ZNF385D: variants seen among roughly 807,000 people sequenced by gnomAD.
ZNF385D encodes the protein zinc finger protein 659.
In ZNF385D, 15 loss-of-function variants were observed where a neutral mutation model predicts 35.8. The observed-to-expected ratio is 0.42, with a 90% CI of 0.28 to 0.64. The LOEUF (loss-of-function observed/expected upper bound fraction) is 0.64, where lower values mean the gene tolerates loss of function less well. ZNF385D is among the 30% of genes least tolerant of loss of function. The probability of loss-of-function intolerance (pLI) is 0.23; values close to 1 mark genes in which losing one functional copy is unlikely to be tolerated. For missense variants in ZNF385D, 474 were observed against 494.6 expected (o/e 0.96, Z 0.39); for synonymous variants, 212 against 186.8 (o/e 1.13, Z -1.10).
chr3:22,282,591 G>C (rs1162733517), intron 2 of ZNF385D, among the ~76,000 whole-genome samples: 1 of 152,010 alleles, frequency 6.6e-6, no homozygotes, highest in Non-Finnish European at 1.5e-5. Flanking sequence ...TGTGGTCTGA[G>C]AGAGTATTTG....
At chr3:21,948,284 C>G (rs894085317) in intron 3 of ZNF385D, among the ~76,000 whole-genome samples, 9 of 151,876 alleles carry the variant, frequency 5.9e-5, no homozygotes, top group African/African-American at 1.9e-4. Flanking sequence ...AATATTGGCT[C>G]TATGACATAA....
At position 21,951,062 on chromosome 3, in the gene ZNF385D, T is replaced by A. The variant is rs183079610; in HGVS notation, c.325+217755A>T. Among the ~76,000 whole-genome samples, 9 of 151,788 alleles carry A rather than the reference T, an allele frequency of 5.9e-5. No individual in the cohort carries two copies. The East Asian group carries it at 1.7e-3, about 29-fold the overall frequency. ...TTGGTTCTCATTAAACTTAAAGTAG[T>A]TTTTTTCTAATTCTGTGAAGAAAGT... is the stretch of plus-strand genomic sequence containing the variant. On this transcript the variant is annotated intron_variant, in intron 3 of 5. Transcript: ENST00000494108.
At chr3:22,171,236 G>T (rs1308929816) in intron 2 of ZNF385D, among the ~76,000 whole-genome samples, 1 of 152,140 alleles carries the variant, frequency 6.6e-6, no homozygotes, top group African/African-American at 2.4e-5. Context: ...GTGTGCCCTT[G>T]TAACACATCA....
At chr3:21,978,532 G>T (rs1703784965) in intron 3 of ZNF385D, among the ~76,000 whole-genome samples, 1 of 152,188 alleles carries the variant, frequency 6.6e-6, no homozygotes, top group Non-Finnish European at 1.5e-5. Flanking sequence ...AATTGTCTCA[G>T]AGCTTAGAAG....
rs1370721476 is a variant in ZNF385D, at chr3:21,425,348, G to A, written c.852+144C>T. ...AGAACAGTGAAAGGAAGATAAGTGGGTTAACAGATGGGCAGATGGAGGGAT... is the reference window on the plus strand; with the variant it reads ...AGAACAGTGAAAGGAAGATAAGTGGATTAACAGATGGGCAGATGGAGGGAT... On this transcript the variant is annotated intron_variant, in intron 6 of 7. Coordinates refer to ENST00000281523, the MANE Select transcript of ZNF385D (RefSeq NM_024697.3). 3 of 743,728 alleles carry A rather than the reference G, an allele frequency of 4.0e-6. No homozygotes were observed. In the Admixed American group the frequency reaches 1.1e-4, roughly 27 times the overall value. 46.1% of individuals were successfully genotyped at this position (743,728 alleles called of 1,614,324 possible).
intron 5 of ZNF385D, among the ~76,000 whole-genome samples, chr3:21,436,225 A>C (rs1701544248): frequency 6.6e-6 from 1 of 152,056 alleles, no homozygotes; most frequent in South Asian, 2.1e-4. Flanking sequence ...GATGGAACCA[A>C]AATATATGGG....
At chr3:22,291,579 CAAT>C (rs1159782665) in intron 2 of ZNF385D, among the ~76,000 whole-genome samples, 1 of 151,896 alleles carries the variant, frequency 6.6e-6, no homozygotes, top group Non-Finnish European at 1.5e-5. Context: ...TATTTGCAAA[CAAT>C]GATAGTTTTA....
At chr3:22,178,022 G>A (rs991701316) in intron 2 of ZNF385D, among the ~76,000 whole-genome samples, 45 of 152,116 alleles carry the variant, frequency 3.0e-4, no homozygotes, top group African/African-American at 1.0e-3. Flanking sequence ...CTTTGCTATT[G>A]TGAATACTGC....
chr3:21,503,753 A>G (rs1375838784), intron 4 of ZNF385D, among the ~76,000 whole-genome samples: 1 of 152,128 alleles, frequency 6.6e-6, no homozygotes, highest in Non-Finnish European at 1.5e-5. Flanking sequence ...TTTCCATCAG[A>G]TATCTTCTTT....
chr3:21,470,735 T>C (rs1480429261), intron 4 of ZNF385D, among the ~76,000 whole-genome samples: 1 of 152,096 alleles, frequency 6.6e-6, no homozygotes, highest in African/African-American at 2.4e-5. Flanking sequence ...GTCCTCTAGG[T>C]TTGACTACGG....
At chr3:21,699,715 C>G in intron 1 of ZNF385D, among the ~76,000 whole-genome samples, 1 of 150,454 alleles carries the variant, frequency 6.6e-6, no homozygotes, top group East Asian at 2.0e-4. Context: ...AAGTAAAATA[C>G]ATTATTTAAA....
At chr3:21,846,094 A>G (rs1314256419) in intron 3 of ZNF385D, among the ~76,000 whole-genome samples, 1 of 152,030 alleles carries the variant, frequency 6.6e-6, no homozygotes, top group African/African-American at 2.4e-5. Context: ...CATCGGGGTC[A>G]CAGGAGTTGG....
chr3:21,837,253 G>A (rs1376972865), intron 3 of ZNF385D, among the ~76,000 whole-genome samples: 2 of 152,186 alleles, frequency 1.3e-5, no homozygotes, highest in African/African-American at 2.4e-5. Context: ...ATCAGTCCAT[G>A]TATAAAAACC....
At chr3:22,372,349 C>G in intron 2 of ZNF385D, 2 of 757,190 alleles carry the variant, frequency 2.6e-6, no homozygotes, top group Non-Finnish European at 3.2e-6. Flanking sequence ...CCCAGCCCCT[C>G]GCGCCTGGTA....
intron 2 of ZNF385D, among the ~76,000 whole-genome samples, chr3:22,360,359 G>A (rs780694349): frequency 2.0e-5 from 3 of 151,844 alleles, no homozygotes; most frequent in Non-Finnish European, 2.9e-5. Context: ...CAGTTTGTAT[G>A]CACACATTAT....
At chr3:21,966,674 C>G (rs897301283) in intron 3 of ZNF385D, among the ~76,000 whole-genome samples, 1 of 152,072 alleles carries the variant, frequency 6.6e-6, no homozygotes, top group African/African-American at 2.4e-5. Flanking sequence ...CTCTGCCTCC[C>G]GGGTTCAATC....
At chr3:21,688,010 T>C (rs926440495) in intron 1 of ZNF385D, among the ~76,000 whole-genome samples, 1 of 152,122 alleles carries the variant, frequency 6.6e-6, no homozygotes. Flanking sequence ...TCCTGCTACC[T>C]TAGCCTCCCA....
chr3:21,564,965 C>A (rs1015122207), intron 2 of ZNF385D, among the ~76,000 whole-genome samples: 29 of 152,206 alleles, frequency 1.9e-4, no homozygotes, highest in African/African-American at 5.5e-4. Context: ...AGTTTAATAA[C>A]CCTTAAATAT....
chr3:22,207,129 T>C (rs1158206067), intron 2 of ZNF385D, among the ~76,000 whole-genome samples: 1 of 151,942 alleles, frequency 6.6e-6, no homozygotes, highest in African/African-American at 2.4e-5. Context: ...TAAGCAACAG[T>C]AAGCCAATGA....
Sources: allele counts gnomAD v4.1 joint callset (sites outside exome capture counted in the v4.1 genomes callset), GRCh38; gene constraint gnomAD v4.1.1; transcripts MANE v1.5; gene names NCBI Gene and HGNC (gene_info 2026-07-23, HGNC 2026-07-21).